COMMD1: variants seen among roughly 807,000 people sequenced by gnomAD.
The protein encoded by COMMD1 is COMM domain-containing protein 1.
In COMMD1, 10 loss-of-function variants were observed where a neutral mutation model predicts 17.2. The ratio of observed to expected loss-of-function variants is 0.58; its 90% CI spans 0.36 to 0.99. The LOEUF (loss-of-function observed/expected upper bound fraction) is 0.99, where lower values mean the gene tolerates loss of function less well. COMMD1 is among the 50% of genes least tolerant of loss of function. The probability of loss-of-function intolerance (pLI) is 0.01; values close to 1 mark genes in which losing one functional copy is unlikely to be tolerated. For synonymous variants in COMMD1, 97 were observed against 91.6 expected (o/e 1.06, Z -0.34); for missense variants, 270 against 231.8 (o/e 1.17, Z -1.07).
intron 2 of COMMD1, among the ~76,000 whole-genome samples, chr2:62,024,645 T>C (rs1669704689): frequency 6.6e-6 from 1 of 152,214 alleles, no homozygotes; most frequent in South Asian, 2.1e-4. Flanking sequence ...GAGTGTTCTT[T>C]GTTTATAGGC....
chr2:62,006,058 A>T (rs1669103897), intron 2 of COMMD1, among the ~76,000 whole-genome samples: 1 of 151,650 alleles, frequency 6.6e-6, no homozygotes, highest in South Asian at 2.1e-4. Flanking sequence ...ACATGGATGA[A>T]ATTGGAAATC....
chr2:61,911,166 A>G (rs1354202619), intron 1 of COMMD1, among the ~76,000 whole-genome samples: 1 of 150,838 alleles, frequency 6.6e-6, no homozygotes, highest in Non-Finnish European at 1.5e-5. Flanking sequence ...GTACTCATTT[A>G]TATCAATCAA....
chr2:61,962,847 A>G (rs1204138290), intron 1 of COMMD1, among the ~76,000 whole-genome samples: 1 of 152,028 alleles, frequency 6.6e-6, no homozygotes, highest in Non-Finnish European at 1.5e-5. Context: ...GTCTTGATTT[A>G]TGTCCTTTTT....
intron 1 of COMMD1, among the ~76,000 whole-genome samples, chr2:61,953,445 T>C (rs1490437368): frequency 6.6e-6 from 1 of 151,312 alleles, no homozygotes; most frequent in East Asian, 1.9e-4. Context: ...CTCAGCTCAC[T>C]GCAACCTCCA....
At chr2:62,134,602 CAA>C (rs35477482) in intron 2 of COMMD1, among the ~76,000 whole-genome samples, 23 of 130,696 alleles carry the variant, frequency 1.8e-4, no homozygotes, top group South Asian at 2.5e-4. Context: ...CCCATCTCTA[CAA>C]AAAAAAAAAA....
intron 2 of COMMD1, among the ~76,000 whole-genome samples, chr2:62,004,627 T>G (rs937121154): frequency 6.6e-6 from 1 of 152,112 alleles, no homozygotes; most frequent in Non-Finnish European, 1.5e-5. Flanking sequence ...AATACAAATA[T>G]ATGAAGTCAA....
intron 2 of COMMD1, among the ~76,000 whole-genome samples, chr2:62,042,460 C>T (rs1182910598): frequency 6.6e-6 from 1 of 152,212 alleles, no homozygotes; most frequent in African/African-American, 2.4e-5. Context: ...CTAGCCTGGG[C>T]ACTCCGGCAA....
chr2:61,916,880 G>C (rs1199672483), intron 1 of COMMD1, among the ~76,000 whole-genome samples: 1 of 151,856 alleles, frequency 6.6e-6, no homozygotes, highest in Non-Finnish European at 1.5e-5. Flanking sequence ...GACATTTTGG[G>C]GTATGATGTA....
At chr2:61,961,254 A>G (rs948932643) in intron 1 of COMMD1, among the ~76,000 whole-genome samples, 2 of 152,242 alleles carry the variant, frequency 1.3e-5, no homozygotes, top group African/African-American at 4.8e-5. Context: ...AACCTGACAC[A>G]TCTACCCTGC....
chr2:61,912,683 C>T (rs757296142), intron 1 of COMMD1, among the ~76,000 whole-genome samples: 2 of 149,310 alleles, frequency 1.3e-5, no homozygotes, highest in Admixed American at 6.7e-5. Context: ...TGCAGTGAGC[C>T]GAGATCGTGC....
At chr2:61,908,717 G>A (rs1341890011) in intron 1 of COMMD1, among the ~76,000 whole-genome samples, 1 of 151,186 alleles carries the variant, frequency 6.6e-6, no homozygotes, top group Non-Finnish European at 1.5e-5. Flanking sequence ...CAGCCACCAC[G>A]CCCGGCTAAT....
chr2:62,072,622 T>A (rs1488585710), intron 2 of COMMD1, among the ~76,000 whole-genome samples: 1 of 152,248 alleles, frequency 6.6e-6, no homozygotes, highest in Non-Finnish European at 1.5e-5. Flanking sequence ...CTCACCAAGC[T>A]GCAGGCAGTG....
intron 1 of COMMD1, among the ~76,000 whole-genome samples, chr2:61,948,330 T>G (rs1022143377): frequency 6.6e-6 from 1 of 152,198 alleles, no homozygotes; most frequent in Non-Finnish European, 1.5e-5. Context: ...AGGCATTAAC[T>G]CCAAAAACAC....
intron 2 of COMMD1, among the ~76,000 whole-genome samples, chr2:62,043,620 T>C (rs1457435457): frequency 6.6e-6 from 1 of 152,212 alleles, no homozygotes; most frequent in Admixed American, 6.5e-5. Flanking sequence ...TAACTGATTC[T>C]CTCCAGAATA....
At chr2:62,130,166 A>C (rs1204266811) in intron 2 of COMMD1, among the ~76,000 whole-genome samples, 24 of 151,676 alleles carry the variant, frequency 1.6e-4, no homozygotes, top group East Asian at 3.9e-4. Flanking sequence ...AAAAAAAAAA[A>C]AAACAAACAA....
In COMMD1 at chr2:62,002,618, A is replaced by G. The variant is rs192156066; in HGVS notation, c.462+1636A>G. The stretch of plus-strand genomic sequence containing the variant: ...CAAGGCAGGTGGATCACTTGAGGTC[A>G]GGAGTTCAAGACCAACCTGGCCAAC... On this transcript the variant is annotated intron_variant, in intron 2 of 2. Coordinates refer to ENST00000311832, the MANE Select transcript of COMMD1 (RefSeq NM_152516.4). Among the ~76,000 whole-genome samples the G allele has an allele frequency of 2.6e-3, 392 of 151,050 alleles. 1 individual carries two copies. Among genetic ancestry groups the G allele is most frequent in the African/African-American group, 8.4e-3 (344 of 41,162 alleles).
intron 2 of COMMD1, among the ~76,000 whole-genome samples, chr2:62,036,816 G>T (rs1321504113): frequency 6.6e-6 from 1 of 151,936 alleles, no homozygotes; most frequent in Non-Finnish European, 1.5e-5. Context: ...TTTCTGTTTG[G>T]CCCCTAGGAT....
chr2:61,892,251 A>G (rs1669450408), intron 1 of COMMD1, among the ~76,000 whole-genome samples: 1 of 152,034 alleles, frequency 6.6e-6, no homozygotes, highest in Non-Finnish European at 1.5e-5. Flanking sequence ...ATAACAATAC[A>G]ATTTCCTTAA....
intron 1 of COMMD1, among the ~76,000 whole-genome samples, chr2:61,981,842 A>C (rs1244224819): frequency 6.6e-6 from 1 of 152,224 alleles, no homozygotes; most frequent in South Asian, 2.1e-4. Context: ...TGGGAATTCA[A>C]GATGAGATTT....
Sources: gnomAD v4.1 joint callset for allele counts (sites outside exome capture counted in the v4.1 genomes callset) on GRCh38, gnomAD v4.1.1 for gene constraint, MANE v1.5 for transcripts, NCBI Gene and HGNC (gene_info 2026-07-23, HGNC 2026-07-21) for gene names.